SFR1: variants seen among roughly 807,000 people sequenced by gnomAD.
The protein encoded by SFR1 is swi5-dependent recombination DNA repair protein 1 homolog.
Under a neutral mutation model 26.2 loss-of-function variants are expected in SFR1, and 24 were observed. The ratio of observed to expected loss-of-function variants is 0.92; its 90% confidence interval spans 0.66 to 1.29. SFR1 has a LOEUF of 1.29. Among genes scored for constraint, SFR1 ranks in the 50% most tolerant of loss-of-function variants. The pLI is 0.00. For missense variants in SFR1, 276 were observed against 270.2 expected, an observed-to-expected ratio of 1.02 and a Z score of -0.15; for synonymous variants, 77 against 96.6, an observed-to-expected ratio of 0.80 and a Z score of 1.19.
upstream of SFR1, among the ~76,000 whole-genome samples, chr10:104,121,113 G>A (rs573895126): frequency 6.6e-6 from 1 of 151,936 alleles, no homozygotes; most frequent in Admixed American, 6.5e-5. Flanking sequence ...GGGCGCGGGG[G>A]GGGGATTTTC....
chr10:104,121,665 A>G (rs1206765145), upstream of SFR1, among the ~76,000 whole-genome samples: 1 of 152,122 alleles, frequency 6.6e-6, no homozygotes, highest in African/African-American at 2.4e-5. Flanking sequence ...CAGGGAGAGG[A>G]GACTGACTGG....
chr10:104,124,439 C>T (rs1416524044), intron 3 of SFR1, among the ~76,000 whole-genome samples: 1 of 151,702 alleles, frequency 6.6e-6, no homozygotes, highest in Non-Finnish European at 1.5e-5. Context: ...TGAAAGCTGA[C>T]AGTGAATTAG....
chr10:104,120,436 AT>A (rs1248221473), upstream of SFR1, among the ~76,000 whole-genome samples: 1 of 152,192 alleles, frequency 6.6e-6, no homozygotes, highest in African/African-American at 2.4e-5. Flanking sequence ...TATTAATCAT[AT>A]GTGAGGCTCT....
At position 104,125,947 on chromosome 10, in the gene SFR1, G is replaced by A. The variant is rs999214493; in HGVS notation, c.*243G>A. 8 of 296,698 alleles carry A rather than the reference G, an allele frequency of 2.7e-5. No homozygotes were observed. Among genetic ancestry groups the A allele is most frequent in the Admixed American group, 2.4e-4 (5 of 20,728 alleles). The allele number at this position is 296,698 out of a possible 1,614,324, so 18.4% of individuals were successfully genotyped here. On this transcript the variant is annotated 3_prime_UTR_variant, in exon 4 of 4. Transcript: ENST00000369727. ...TGCCCGGCTAATTTTTGCATTTTTA[G>A]TAGAGACTGGGTTTCACCACGTTGG...
At position 104,124,021 on chromosome 10, in the gene SFR1, CTAAACAAAGAT is replaced by C. The variant is rs1564697138; in HGVS notation, c.449_459del (p.Gln150ArgfsTer2). The C allele has an allele frequency of 6.2e-7, 1 of 1,613,948 alleles. No homozygotes were observed. ...AATGAGTTTGTGAGTGAGAAGCTTC[CTAAACAAAGAT>C]TAAACGCTGAAAAAGCCAAATTGGT... On this transcript the variant is annotated frameshift_variant, in exon 3 of 4. Coordinates refer to ENST00000369727, the MANE Select transcript of SFR1 (RefSeq NM_001002759.2). LOFTEE classifies it high-confidence loss of function.
At chr10:104,120,929 A>AT (rs2086954467), upstream of SFR1, among the ~76,000 whole-genome samples, 1 of 152,168 alleles carries the variant, frequency 6.6e-6, no homozygotes, top group Non-Finnish European at 1.5e-5. Context: ...TAAAGAGACG[A>AT]TATCAATGTT....
intron 3 of SFR1, among the ~76,000 whole-genome samples, chr10:104,124,672 G>A (rs2087006431): frequency 6.6e-6 from 1 of 151,846 alleles, no homozygotes; most frequent in Non-Finnish European, 1.5e-5. Flanking sequence ...ATATGCAATA[G>A]CTCATTTTCC....
chr10:104,122,063 C>A (rs370996581), upstream of SFR1: 10 of 1,216,654 alleles, frequency 8.2e-6, no homozygotes, highest in South Asian at 1.2e-4. Flanking sequence ...AGTGAAGCGG[C>A]GCCTCGCGCG....
At position 104,125,430 on chromosome 10, in the gene SFR1, G is replaced by A. The variant is rs7091080; in HGVS notation, c.547-83G>A. On this transcript the variant is annotated intron_variant, in intron 3 of 3. Transcript: ENST00000369727. ...CCTGTGTATGTTAGCCTTTAAACCT[G>A]CACATCCACTAATTTAACAACTTTA... is the stretch of plus-strand genomic sequence containing the variant. 50 of 1,078,092 alleles carry A rather than the reference G, an allele frequency of 4.6e-5. No homozygotes were observed. The African/African-American group carries it at 6.9e-4, about 15-fold the overall frequency. The allele number at this position is 1,078,092 out of a possible 1,614,324, so 66.8% of individuals were successfully genotyped here.
At chr10:104,125,471 C>T (rs768251837) in intron 3 of SFR1, 42 bp from the exon 4 acceptor site, 14 of 1,474,664 alleles carry the variant, frequency 9.5e-6, no homozygotes, top group South Asian at 1.2e-5. Flanking sequence ...GTTGAACTAG[C>T]ATGACTAGTT....
intron 2 of SFR1, 86 bp from the exon 3 acceptor site, chr10:104,123,628 A>T: frequency 9.0e-7 from 1 of 1,106,044 alleles, no homozygotes; most frequent in Non-Finnish European, 1.3e-6. Context: ...CTAGCATAGA[A>T]ATGGAAGGAC....
rs2134710193 is a variant in SFR1 at position 104,125,762 on chromosome 10, A to C, written c.*58A>C. The stretch of plus-strand genomic sequence containing the variant: ...ATGACAACTTAATTAAAAGATACTT[A>C]GGCACTTTTTTTTTTTTTTTGAGAC... On this transcript the variant is annotated 3_prime_UTR_variant, in exon 4 of 4. Transcript: ENST00000369727. 3.3e-6 allele frequency: 4 copies of C among 1,212,510 alleles called. No individual in the cohort carries two copies. The highest frequency in any genetic ancestry group is 4.6e-6 in the Non-Finnish European group (4 of 868,860). The allele number at this position is 1,212,510 out of a possible 1,614,324, so 75.1% of individuals were successfully genotyped here. A position where few individuals can be genotyped will look rare whatever the true frequency, so the allele number is the denominator to read the frequency against.
At chr10:104,122,736 GACTATGAGAT>G (rs2086979000) in intron 1 of SFR1, 19 of 1,439,110 alleles carry the variant, frequency 1.3e-5, no homozygotes, top group Admixed American at 2.7e-5. Context: ...AGAGTCTTGT[GACTATGAGAT>G]ACTAGCTGGT....
Position 104,122,972 on chromosome 10 carries a change from C to G in SFR1, c.21C>G (p.Asn7Lys). 1 of 1,613,110 alleles carries G rather than the reference C, an allele frequency of 6.2e-7. No homozygotes were observed. The highest frequency in any genetic ancestry group is 8.5e-7 in the Non-Finnish European group (1 of 1,179,360). Residue 7 changes from asparagine (N) to lysine (K), a missense_variant, in exon 2 of 4, where the codon AAC (asparagine) becomes AAG (lysine). Transcript: ENST00000369727. ...ATAATTTTTCTTTTTTAGAGAAAAA[C>G]CAAGATTTCACTTTCAAGATGGAAA... Reference protein sequence around the residue: MAEGEKNQDFTFKMESP... With the variant: MAEGEKKQDFTFKMESP...
At position 104,125,871 on chromosome 10, in the gene SFR1, T is replaced by G. The variant is rs1293314231; in HGVS notation, c.*167T>G. The G allele has an allele frequency of 2.1e-6, 1 of 471,310 alleles. No homozygotes were observed. Among genetic ancestry groups the G allele is most frequent in the Non-Finnish European group, 3.8e-6 (1 of 263,146 alleles). The allele number at this position is 471,310 out of a possible 1,614,324, so 29.2% of individuals were successfully genotyped here. On this transcript the variant is annotated 3_prime_UTR_variant, in exon 4 of 4. Coordinates refer to ENST00000369727, the MANE Select transcript of SFR1 (RefSeq NM_001002759.2). ...ACCTCTGCCTCTCGGGTTCCAGCAATTCTCCTGCCTCAGCCTCCCGAGTAG... is the reference window on the plus strand; with the variant it reads ...ACCTCTGCCTCTCGGGTTCCAGCAAGTCTCCTGCCTCAGCCTCCCGAGTAG...
At chr10:104,121,192 G>A (rs893101774), upstream of SFR1, among the ~76,000 whole-genome samples, 3 of 152,066 alleles carry the variant, frequency 2.0e-5, no homozygotes, top group African/African-American at 7.2e-5. Flanking sequence ...ATTTTGGACC[G>A]ACACAATCTC....
chr10:104,122,560 A>G (rs1205675900), intron 1 of SFR1: 26 of 985,164 alleles, frequency 2.6e-5, no homozygotes, highest in Non-Finnish European at 2.9e-5. Context: ...AGAGTTCAGG[A>G]TGGGTGACAT....
Position 104,124,034 on chromosome 10 carries a change from A to G in SFR1, c.456A>G (p.Leu152=), listed in dbSNP as rs770519413. 19 of 1,614,036 alleles carry G rather than the reference A, an allele frequency of 1.2e-5. No homozygotes were observed. In the South Asian group the frequency reaches 1.9e-4, roughly 16 times the overall value. Residue 152 remains leucine, a synonymous_variant, in exon 3 of 4, where the codon TTA becomes TTG. Coordinates refer to ENST00000369727, the MANE Select transcript of SFR1 (RefSeq NM_001002759.2). ...FVSEKLPKQR[L]NAEKAKLVKQ... is the part of the protein sequence containing the mutation. ...GTGAGAAGCTTCCTAAACAAAGATTAAACGCTGAAAAAGCCAAATTGGTGA... is the reference window on the plus strand; with the variant it reads ...GTGAGAAGCTTCCTAAACAAAGATTGAACGCTGAAAAAGCCAAATTGGTGA...
intron 3 of SFR1, among the ~76,000 whole-genome samples, chr10:104,125,026 C>T (rs769431786): frequency 2.0e-5 from 3 of 152,140 alleles, no homozygotes; most frequent in Non-Finnish European, 4.4e-5. Flanking sequence ...TAGTCTTGAA[C>T]TCCTGGGCTC....
Sources: allele counts gnomAD v4.1 joint callset (sites outside exome capture counted in the v4.1 genomes callset), GRCh38; gene constraint gnomAD v4.1.1; transcripts MANE v1.5; gene names NCBI Gene and HGNC (gene_info 2026-07-23, HGNC 2026-07-21).